The following UBE3A variants were observed in gnomAD, a reference collection of about 807,000 sequenced individuals.
The protein encoded by UBE3A is ubiquitin-protein ligase E3A.
Under a neutral mutation model 83.4 loss-of-function variants are expected in UBE3A, and 6 were observed. That is an observed-to-expected ratio of 0.07 (90% CI 0.04 to 0.14). UBE3A has a LOEUF of 0.14. UBE3A is among the 10% of genes least tolerant of loss of function. The pLI, the probability that UBE3A is intolerant of heterozygous loss-of-function variation, is 1.00. For missense variants in UBE3A, 456 were observed against 1,036.1 expected (o/e 0.44, Z 7.69); for synonymous variants, 337 against 355.4 (o/e 0.95, Z 0.58).
At chr15:25,375,014 T>G in intron 5 of UBE3A, 1 of 201,920 alleles carries the variant, frequency 5.0e-6, no homozygotes, top group South Asian at 8.6e-5. Context: ...GAAGGAAACG[T>G]AGAATTCTCA....
chr15:25,377,033 G>A (rs2081343825), intron 4 of UBE3A, among the ~76,000 whole-genome samples: 1 of 152,086 alleles, frequency 6.6e-6, no homozygotes, highest in Non-Finnish European at 1.5e-5. Context: ...AAATTCACAA[G>A]CATGGAAATA....
rs564830375 is a variant in UBE3A at position 25,419,472 on chromosome 15, A to T, written c.-164-7501T>A. The T allele has an allele frequency of 2.5e-3, 385 of 152,254 alleles. 3 individuals carry two copies. Among genetic ancestry groups the T allele is most frequent in the African/African-American group, 8.8e-3 (367 of 41,564 alleles). 9.4% of individuals were successfully genotyped at this position (152,254 alleles called of 1,614,324 possible). The stretch of plus-strand genomic sequence containing the variant: ...GACATTTCCATACAAACAAAAGCTG[A>T]AAGATTTTGTAGCCAGTAGACCTAT... On this transcript the variant is annotated intron_variant, in intron 1 of 12. Coordinates refer to ENST00000648336, the MANE Select transcript of UBE3A (RefSeq NM_130839.5).
intron 4 of UBE3A, among the ~76,000 whole-genome samples, chr15:25,381,743 G>C (rs1009044904): frequency 6.6e-6 from 1 of 152,100 alleles, no homozygotes; most frequent in Non-Finnish European, 1.5e-5. Context: ...GTTAAAATTT[G>C]TAAGAGTGAG....
At chr15:25,398,700 G>T (rs2086171704) in intron 4 of UBE3A, among the ~76,000 whole-genome samples, 1 of 145,800 alleles carries the variant, frequency 6.9e-6, no homozygotes, top group South Asian at 2.2e-4. Flanking sequence ...CTGTATCATG[G>T]GTATTGCAAA....
intron 1 of UBE3A, among the ~76,000 whole-genome samples, chr15:25,422,125 G>A (rs1021941788): frequency 6.6e-6 from 1 of 152,126 alleles, no homozygotes; most frequent in Non-Finnish European, 1.5e-5. Context: ...AAAAATCTGT[G>A]ACAAACACAA....
intron 1 of UBE3A, among the ~76,000 whole-genome samples, chr15:25,425,731 A>G (rs1234329467): frequency 6.6e-6 from 1 of 152,040 alleles, no homozygotes; most frequent in Non-Finnish European, 1.5e-5. Context: ...TCTTTTCTGT[A>G]TTTCCTCATC....
chr15:25,341,783 C>CAAAA (rs60827150), intron 11 of UBE3A, among the ~76,000 whole-genome samples: 1 of 81,650 alleles, frequency 1.2e-5, no homozygotes, highest in African/African-American at 4.0e-5. Flanking sequence ...AATTTCATCT[C>CAAAA]AAAAAAAAAA....
chr15:25,428,692 T>C (rs1181751697), intron 1 of UBE3A, among the ~76,000 whole-genome samples: 1 of 152,172 alleles, frequency 6.6e-6, no homozygotes, highest in Admixed American at 6.5e-5. Context: ...CAAGCAACTG[T>C]AAATTAAAAT....
chr15:25,334,958 T>C lies in UBE3A; in HGVS notation c.*4179A>G, dbSNP rs998595847. ...CAACACTGACAAGATAACAGAAAGA[T>C]GGAGGTAATAACATGTGAAAGGCAA... On this transcript the variant is annotated 3_prime_UTR_variant, in exon 13 of 13. Coordinates refer to ENST00000648336, the MANE Select transcript of UBE3A (RefSeq NM_130839.5). 1.3e-5 allele frequency: 2 copies of C among 151,598 alleles called. No homozygotes were observed. Among genetic ancestry groups the C allele is most frequent in the African/African-American group, 4.9e-5 (2 of 41,222 alleles). The allele number at this position is 151,598 out of a possible 1,614,324, so 9.4% of individuals were successfully genotyped here.
At chr15:25,378,476 A>ATAACTTATTACACACACTGCGGG (rs1227749973) in intron 4 of UBE3A, among the ~76,000 whole-genome samples, 6 of 152,158 alleles carry the variant, frequency 3.9e-5, no homozygotes, top group Non-Finnish European at 8.8e-5. Context: ...TGGATGCCTG[A>ATAACTTATTACACACACTGCGGG]TAACTTATTA....
chr15:25,417,357 A>G (rs1887425334), intron 1 of UBE3A, among the ~76,000 whole-genome samples: 1 of 152,132 alleles, frequency 6.6e-6, no homozygotes, highest in African/African-American at 2.4e-5. Flanking sequence ...AAACACTCTA[A>G]AAGAAAACAA....
chr15:25,413,096 T>C (rs998152034), intron 1 of UBE3A: 12 of 416,758 alleles, frequency 2.9e-5, no homozygotes, highest in African/African-American at 2.1e-4. Flanking sequence ...ATACCAAATC[T>C]ATAAAAATAC....
rs1161914085 is a variant in UBE3A at position 25,338,176 on chromosome 15, A to T, written c.*961T>A. 6 of 152,258 alleles carry T rather than the reference A, an allele frequency of 3.9e-5. No homozygotes were observed. The East Asian group carries it at 1.2e-3, about 29-fold the overall frequency. The allele number at this position is 152,258 out of a possible 1,614,324, so 9.4% of individuals were successfully genotyped here. Reference sequence around the variant, plus strand: ...TTTAAAATCTAGGTAATAAGTAAGTAATTAATAAAAACTCTATCTTAAGTG... The same window carrying T: ...TTTAAAATCTAGGTAATAAGTAAGTTATTAATAAAAACTCTATCTTAAGTG... On this transcript the variant is annotated 3_prime_UTR_variant, in exon 13 of 13. Transcript: ENST00000648336.
chr15:25,346,285 A>G (rs2075676466), intron 11 of UBE3A: 1 of 152,468 alleles, frequency 6.6e-6, no homozygotes, highest in South Asian at 2.1e-4. Flanking sequence ...ACTAGGAACC[A>G]GTGCGAGCCC....
chr15:25,351,410 T>TTTAAG (rs1354093997), intron 11 of UBE3A, among the ~76,000 whole-genome samples: 1 of 152,172 alleles, frequency 6.6e-6, no homozygotes, highest in Non-Finnish European at 1.5e-5. Flanking sequence ...GAGTGAGACT[T>TTTAAG]TTAAGTTATT....
chr15:25,367,205 G>A (rs1031332322), intron 6 of UBE3A, among the ~76,000 whole-genome samples: 3 of 93,380 alleles, frequency 3.2e-5, no homozygotes, highest in South Asian at 5.4e-4. Context: ...TTACATATTT[G>A]TAAATATGTA....
At chr15:25,374,466 A>G (rs1221485154) in intron 5 of UBE3A, 3 of 152,248 alleles carry the variant, frequency 2.0e-5, no homozygotes, top group African/African-American at 4.8e-5. Context: ...ATACTGACAC[A>G]CTATATATAC....
chr15:25,421,592 A>G (rs1227768193), intron 1 of UBE3A, among the ~76,000 whole-genome samples: 2 of 152,216 alleles, frequency 1.3e-5, no homozygotes, highest in Non-Finnish European at 2.9e-5. Context: ...TTTAATGGAT[A>G]GGGTTTCAGA....
At chr15:25,359,359 C>T (rs1380536226) in intron 7 of UBE3A, among the ~76,000 whole-genome samples, 1 of 151,530 alleles carries the variant, frequency 6.6e-6, no homozygotes, top group Non-Finnish European at 1.5e-5. Context: ...AAACTACATA[C>T]AAATGGCATA....
Sources: gnomAD v4.1 joint callset for allele counts (sites outside exome capture counted in the v4.1 genomes callset) on GRCh38, gnomAD v4.1.1 for gene constraint, MANE v1.5 for transcripts, NCBI Gene and HGNC (gene_info 2026-07-23, HGNC 2026-07-21) for gene names.